Variants in TRMU observed in about 807,000 individuals in gnomAD.
The protein encoded by TRMU is mitochondrial tRNA-specific 2-thiouridylase 1.
In TRMU, 49 loss-of-function variants were observed where a neutral mutation model predicts 46.9. That is an observed-to-expected ratio of 1.05 (90% confidence interval 0.83 to 1.33). The LOEUF (loss-of-function observed/expected upper bound fraction) is 1.33. TRMU is among the 40% of genes most tolerant of loss of function. The pLI, the probability that TRMU is intolerant of heterozygous loss-of-function variation, is 0.00. For missense variants in TRMU, 572 were observed against 532.4 expected (o/e 1.07, Z -0.73); for synonymous variants, 241 against 200.9 (o/e 1.20, Z -1.69).
In TRMU at chr22:46,350,495, C is replaced by A. The variant is rs2078386417; in HGVS notation, c.651+32C>A. On this transcript the variant is annotated intron_variant, in intron 5 of 10. Transcript: ENST00000645190. The surrounding 1 kb of genome is among the most constrained non-coding windows in gnomAD (Gnocchi z 4.6). ...GTGAGCAGTTGCCTTTGATTAGTGC[C>A]TGTTTCCCTTTCCCGACTGCATGGC... 6.2e-7 allele frequency: 1 copy of A among 1,612,220 alleles called. No individual in the cohort carries two copies. The highest frequency in any genetic ancestry group is 1.3e-5 in the African/African-American group (1 of 74,908).
intron 4 of TRMU, among the ~76,000 whole-genome samples, chr22:46,346,930 G>A (rs1276023115): frequency 6.6e-6 from 1 of 152,276 alleles, no homozygotes; most frequent in Non-Finnish European, 1.5e-5. Context: ...AGGGCGTGCG[G>A]TTCAGGCAGA....
Position 46,350,329 on chromosome 22 carries a change from C to T in TRMU, c.517C>T (p.Gln173Ter). 1 of 1,614,228 alleles carries T rather than the reference C, an allele frequency of 6.2e-7. No homozygotes were observed. Among genetic ancestry groups the T allele is most frequent in the South Asian group, 1.1e-5 (1 of 91,086 alleles). Residue 173 changes from glutamine to a stop codon, truncating the protein, a stop_gained, in exon 5 of 11, where the codon CAG becomes TAG. Coordinates refer to ENST00000645190, the MANE Select transcript of TRMU (RefSeq NM_018006.5). LOFTEE classifies it high-confidence loss of function. The surrounding 1 kb of genome is among the most constrained non-coding windows in gnomAD (Gnocchi z 4.6). ...LLQAADSFKD[Q>*]TFFLSQVSQD... Reference sequence around the variant, plus strand: ...CCAGGCAGCTGACAGCTTTAAAGACCAGACCTTCTTTCTCAGCCAGGTTTC... The same window carrying T: ...CCAGGCAGCTGACAGCTTTAAAGACTAGACCTTCTTTCTCAGCCAGGTTTC...
intron 3 of TRMU, 85 bp downstream of exon 3, chr22:46,343,453 A>C (rs1174405239): frequency 9.9e-7 from 1 of 1,009,570 alleles, no homozygotes; most frequent in Non-Finnish European, 1.5e-6. Flanking sequence ...TGGTGCGATC[A>C]TGACTCACTG....
At chr22:46,352,759 C>G in intron 7 of TRMU, 1 of 329,670 alleles carries the variant, frequency 3.0e-6, no homozygotes, top group South Asian at 2.6e-5. Flanking sequence ...TCCGCGCTGG[C>G]CAGAGTGCTG....
In TRMU at chr22:46,343,293, A is replaced by T; in HGVS notation, c.280A>T (p.Thr94Ser). ...TTTGAATGAGTATGAAAAAGGAAGG[A>T]CTCCCAATCCTGACATAGTTTGCAA... is the stretch of plus-strand genomic sequence containing the variant. The part of the protein sequence containing the change: ...DFLNEYEKGR[T>S]PNPDIVCNKH... The change falls in exon 3 of 11, where the codon ACT (threonine) becomes TCT (serine). Residue 94 changes from threonine to serine, a missense_variant. By Grantham distance (58) the Thr-to-Ser change is moderately conservative (BLOSUM62 1). Coordinates refer to ENST00000645190, the MANE Select transcript of TRMU (RefSeq NM_018006.5). 2.5e-6 allele frequency: 4 copies of T among 1,613,114 alleles called. No homozygotes were observed. The highest frequency in any genetic ancestry group is 3.4e-6 in the Non-Finnish European group (4 of 1,179,696).
In TRMU at chr22:46,349,507, G is replaced by A. The variant is rs750341652; in HGVS notation, c.479-784G>A. On this transcript the variant is annotated intron_variant, in intron 4 of 10. Transcript: ENST00000645190. This position sits in a 1 kb window ranked among gnomAD's most constrained non-coding sequence, Gnocchi z 4.6. ...ACCGTCACGGCATGTGGCGTGCTCT[G>A]AGTGTAACTCGAAAGGAGAAGTTTA... 6.6e-6 allele frequency among the ~76,000 whole-genome samples: 1 copy of A among 152,248 alleles called. No individual in the cohort carries two copies. The highest frequency in any genetic ancestry group is 2.4e-5 in the African/African-American group (1 of 41,460).
At chr22:46,352,232 T>C in intron 6 of TRMU, 32 bp from the exon 7 acceptor site, 1 of 1,614,162 alleles carries the variant, frequency 6.2e-7, no homozygotes, top group Non-Finnish European at 8.5e-7. Flanking sequence ...TGGGCCTAGA[T>C]CTCCGTCGGT....
At position 46,336,014 on chromosome 22, in the gene TRMU, C is replaced by G; in HGVS notation, c.82+168C>G. Reference sequence around the variant, plus strand: ...GACTTTGGTTCGGAGGCTCCTCGCCCTCCACCTGTGTAGTCGGAGGTGTGC... The same window carrying G: ...GACTTTGGTTCGGAGGCTCCTCGCCGTCCACCTGTGTAGTCGGAGGTGTGC... On this transcript the variant is annotated intron_variant, in intron 1 of 10. Transcript: ENST00000645190. The surrounding 1 kb of genome is among the most constrained non-coding windows in gnomAD (Gnocchi z 4.1). The G allele has an allele frequency of 6.9e-7, 1 of 1,444,388 alleles. No homozygotes were observed. 89.5% of individuals were successfully genotyped at this position (1,444,388 alleles called of 1,614,324 possible).
chr22:46,353,944 G>A, intron 8 of TRMU, 77 bp downstream of exon 8: 1 of 1,400,040 alleles, frequency 7.1e-7, no homozygotes, highest in Non-Finnish European at 1.0e-6. Context: ...CAGGGCTTGA[G>A]AAGGCCTCCA....
intron 7 of TRMU, chr22:46,353,475 T>G: frequency 2.6e-6 from 1 of 384,782 alleles, no homozygotes; most frequent in African/African-American, 2.1e-5. Context: ...AGCCGCATCC[T>G]GGGCCTAGGG....
In TRMU at chr22:46,350,182, CCTCTGACAGGCTAGGGGTAGTCTGT is replaced by C; in HGVS notation, c.479-106_479-82del. 1 of 1,355,126 alleles carries C rather than the reference CCTCTGACAGGCTAGGGGTAGTCTGT, an allele frequency of 7.4e-7. No homozygotes were observed. The highest frequency in any genetic ancestry group is 1.2e-5 in the South Asian group (1 of 83,668). The allele number at this position is 1,355,126 out of a possible 1,614,324, so 83.9% of individuals were successfully genotyped here. A position where few individuals can be genotyped will look rare whatever the true frequency, so the allele number is the denominator to read the frequency against. On this transcript the variant is annotated intron_variant, in intron 4 of 10. Transcript: ENST00000645190. This position sits in a 1 kb window ranked among gnomAD's most constrained non-coding sequence, Gnocchi z 4.6. The stretch of plus-strand genomic sequence containing the variant: ...AGTTGCTATTGAGTGTTGATGTCTG[CCTCTGACAGGCTAGGGGTAGTCTGT>C]CTAAGTGAACAGAAGGACATTGTTG...
chr22:46,341,749 C>T (rs2078128623), intron 2 of TRMU, among the ~76,000 whole-genome samples: 1 of 152,150 alleles, frequency 6.6e-6, no homozygotes, highest in African/African-American at 2.4e-5. Context: ...GCATCTTTTT[C>T]CCATGTTCAG....
In TRMU at chr22:46,356,089, G is replaced by A. The variant is rs957502562; in HGVS notation, c.1101+17G>A. On this transcript the variant is annotated intron_variant, in intron 10 of 10. Coordinates refer to ENST00000645190, the MANE Select transcript of TRMU (RefSeq NM_018006.5). ...ACAGGACAGGTGCGTGGGGTGTGGG[G>A]GTGAGCCCGGGGAGGACTGTACTGC... 2.5e-6 allele frequency: 4 copies of A among 1,613,540 alleles called. No homozygotes were observed. Among genetic ancestry groups the A allele is most frequent in the Non-Finnish European group, 3.4e-6 (4 of 1,179,882 alleles).
chr22:46,357,154 C>T lies in TRMU; in HGVS notation c.*148C>T, dbSNP rs1037680468. On this transcript the variant is annotated 3_prime_UTR_variant, in exon 11 of 11. Coordinates refer to ENST00000645190, the MANE Select transcript of TRMU (RefSeq NM_018006.5). ...AGGGTCCGAAAAGCCTGCAGGGGCC[C>T]GGCGAGCCCCAGGAAGAGCCTCAGC... The T allele has an allele frequency of 4.4e-5, 47 of 1,073,742 alleles. No individual in the cohort carries two copies. The highest frequency in any genetic ancestry group is 6.8e-5 in the South Asian group (5 of 73,030). 66.5% of individuals were successfully genotyped at this position (1,073,742 alleles called of 1,614,324 possible). A position where few individuals can be genotyped will look rare whatever the true frequency, so the allele number is the denominator to read the frequency against.
intron 9 of TRMU, 59 bp from the exon 10 acceptor site, chr22:46,355,931 G>T (rs1407180594): frequency 2.2e-5 from 35 of 1,589,006 alleles, no homozygotes; most frequent in Non-Finnish European, 3.0e-5. Flanking sequence ...CTCCCTGGGG[G>T]CCTGAGGTCG....
chr22:46,338,164 T>G lies in TRMU; in HGVS notation c.248+220T>G, dbSNP rs2078030208. The G allele has an allele frequency of 1.8e-6, 1 of 571,396 alleles. No individual in the cohort carries two copies. The highest frequency in any genetic ancestry group is 1.9e-5 in the South Asian group (1 of 53,230). The allele number at this position is 571,396 out of a possible 1,614,324, so 35.4% of individuals were successfully genotyped here. A position where few individuals can be genotyped will look rare whatever the true frequency, so the allele number is the denominator to read the frequency against. On this transcript the variant is annotated intron_variant, in intron 2 of 10. Transcript: ENST00000645190. This position sits in a 1 kb window ranked among gnomAD's most constrained non-coding sequence, Gnocchi z 4.5. ...ACCCAGCTCTCTCACTCCTGTCATT[T>G]TGCCACTTGCCTGAAGTCTCTTTAA... is the stretch of plus-strand genomic sequence containing the variant.
rs138955608 is a variant in TRMU at position 46,351,864 on chromosome 22, G to A, written c.652-257G>A. The A allele has an allele frequency of 8.3e-4, 476 of 576,872 alleles. 1 individual carries two copies. The highest frequency in any genetic ancestry group is 1.2e-3 in the Non-Finnish European group (392 of 321,358). 35.7% of individuals were successfully genotyped at this position (576,872 alleles called of 1,614,324 possible). ...CTGACCGGGTTCTGCTTTCTTCCCC[G>A]GGGCAGCTGGTGTGAGGGTCTCCCG... is the stretch of plus-strand genomic sequence containing the variant. On this transcript the variant is annotated intron_variant, in intron 5 of 10. Transcript: ENST00000645190. The surrounding 1 kb of genome is among the most constrained non-coding windows in gnomAD (Gnocchi z 6.4).
chr22:46,337,950 T>C lies in TRMU; in HGVS notation c.248+6T>C, dbSNP rs778717572. 1.1e-5 allele frequency: 18 copies of C among 1,614,034 alleles called. No homozygotes were observed. The highest frequency in any genetic ancestry group is 1.4e-5 in the Non-Finnish European group (16 of 1,179,968). On this transcript the variant is annotated splice_donor_region_variant and intron_variant, in intron 2 of 10. Transcript: ENST00000645190. ...TATTGGAATGATGTGTTCAGGTGAG[T>C]GCGGGTCACAGCACAAAGGAAGCTT...
chr22:46,336,029 C>T lies in TRMU; in HGVS notation c.82+183C>T. 3.5e-6 allele frequency: 5 copies of T among 1,416,886 alleles called. No individual in the cohort carries two copies. The highest frequency in any genetic ancestry group is 1.5e-5 in the African/African-American group (1 of 66,244). The allele number at this position is 1,416,886 out of a possible 1,614,324, so 87.8% of individuals were successfully genotyped here. On this transcript the variant is annotated intron_variant, in intron 1 of 10. Coordinates refer to ENST00000645190, the MANE Select transcript of TRMU (RefSeq NM_018006.5). The surrounding 1 kb of genome is among the most constrained non-coding windows in gnomAD (Gnocchi z 4.1). ...GCTCCTCGCCCTCCACCTGTGTAGT[C>T]GGAGGTGTGCGCGACTGCAGCTCCG...
Sources: allele counts gnomAD v4.1 joint callset (sites outside exome capture counted in the v4.1 genomes callset), GRCh38; gene constraint gnomAD v4.1.1; non-coding constraint Gnocchi (gnomAD v3.1); transcripts MANE v1.5; gene names NCBI Gene and HGNC (gene_info 2026-07-23, HGNC 2026-07-21).